The following KIAA1217 variants were observed in gnomAD, a reference collection of about 807,000 sequenced individuals.
KIAA1217 encodes the protein KIAA1217, also known as sickle tail protein homolog.
In KIAA1217, 88 loss-of-function variants were observed where a neutral mutation model predicts 163.9. The observed-to-expected ratio is 0.54, with a 90% CI of 0.45 to 0.64. The LOEUF (loss-of-function observed/expected upper bound fraction) is 0.64. KIAA1217 is among the 30% of genes least tolerant of loss of function. The probability of loss-of-function intolerance (pLI) is 0.00; values close to 1 mark genes in which losing one functional copy is unlikely to be tolerated. For synonymous variants in KIAA1217, 903 were observed against 923.1 expected, an observed-to-expected ratio of 0.98 and a Z score of 0.39; for missense variants, 2,372 against 2,475.0, an observed-to-expected ratio of 0.96 and a Z score of 0.88.
At chr10:23,960,567 T>A (rs1844781036) in intron 1 of KIAA1217, among the ~76,000 whole-genome samples, 2 of 152,208 alleles carry the variant, frequency 1.3e-5, no homozygotes, top group Admixed American at 1.3e-4. Context: ...ACGTTTTCAT[T>A]CAACAGAGTT....
At chr10:23,832,529 T>G (rs1838259196) in intron 1 of KIAA1217, among the ~76,000 whole-genome samples, 1 of 152,154 alleles carries the variant, frequency 6.6e-6, no homozygotes, top group African/African-American at 2.4e-5. Flanking sequence ...GGAGTAGGGC[T>G]GAAAGTTCCA....
chr10:24,347,589 T>G (rs1591186715), intron 2 of KIAA1217, among the ~76,000 whole-genome samples: 1 of 152,348 alleles, frequency 6.6e-6, no homozygotes, highest in East Asian at 1.9e-4. Context: ...AAGTTTTATT[T>G]TTTTTAATAT....
intron 2 of KIAA1217, among the ~76,000 whole-genome samples, chr10:24,007,986 G>A (rs1171385743): frequency 2.0e-5 from 3 of 152,088 alleles, no homozygotes; most frequent in Non-Finnish European, 1.5e-5. Context: ...CCCAACTTTA[G>A]CATATTCATT....
At chr10:24,177,576 C>A (rs976417841) in intron 2 of KIAA1217, among the ~76,000 whole-genome samples, 2 of 151,488 alleles carry the variant, frequency 1.3e-5, no homozygotes, top group Non-Finnish European at 2.9e-5. Context: ...CATTTTTTGA[C>A]CTGTGATATA....
Position 24,524,751 on chromosome 10 carries a change from C to T in KIAA1217, c.2885C>T (p.Ala962Val). Residue 962 changes from alanine (A) to valine (V), a missense_variant, in exon 13 of 21, where the codon GCA (alanine) becomes GTA (valine). Coordinates refer to ENST00000376454, the MANE Select transcript of KIAA1217 (RefSeq NM_019590.5). ...EIHSVSAKNR[A>V]VSIEKAEKKW... ...CACAGTGTGAGTGCCAAGAACAGGG[C>T]AGTGTCTATCGAGGTAGAGTCCTAT... The T allele has an allele frequency of 1.3e-6, 2 of 1,594,044 alleles. No homozygotes were observed. Among genetic ancestry groups the T allele is most frequent in the Non-Finnish European group, 1.7e-6 (2 of 1,165,848 alleles).
chr10:24,079,738 G>C (rs2061481365), intron 2 of KIAA1217, among the ~76,000 whole-genome samples: 1 of 152,130 alleles, frequency 6.6e-6, no homozygotes, highest in Non-Finnish European at 1.5e-5. Flanking sequence ...TGGGATGATG[G>C]CAAAGCACAC....
intron 1 of KIAA1217, among the ~76,000 whole-genome samples, chr10:23,826,860 G>T (rs1564455537): frequency 6.6e-6 from 1 of 152,066 alleles, no homozygotes; most frequent in Admixed American, 6.5e-5. Context: ...TGTTTCTCTG[G>T]TCCAACTCAC....
At chr10:24,411,470 C>A (rs899415638) in intron 3 of KIAA1217, among the ~76,000 whole-genome samples, 1 of 152,116 alleles carries the variant, frequency 6.6e-6, no homozygotes, top group African/African-American at 2.4e-5. Flanking sequence ...ATTCCCAAGA[C>A]CCTTGGTTGA....
intron 10 of KIAA1217, 57 bp downstream of exon 10, chr10:24,513,491 T>A: frequency 6.4e-7 from 1 of 1,554,054 alleles, no homozygotes; most frequent in Non-Finnish European, 8.8e-7. Context: ...AAATTATCAT[T>A]ACTAAGAAGG....
intron 1 of KIAA1217, among the ~76,000 whole-genome samples, chr10:23,890,784 A>C (rs1356890361): frequency 6.6e-6 from 1 of 151,996 alleles, no homozygotes; most frequent in African/African-American, 2.4e-5. Flanking sequence ...TCTTTTTCAG[A>C]TCTTCTGTAT....
chr10:24,492,242 C>T lies in KIAA1217; in HGVS notation c.1680-2258C>T, dbSNP rs150810272. On this transcript the variant is annotated intron_variant, in intron 6 of 20. Transcript: ENST00000376454. ...TCTGAGATGCTACTGTGACTTGGGTCAATAAGCTTGACATTGCTGATGGAT... is the reference window on the plus strand; with the variant it reads ...TCTGAGATGCTACTGTGACTTGGGTTAATAAGCTTGACATTGCTGATGGAT... 1.4e-3 allele frequency among the ~76,000 whole-genome samples: 212 copies of T among 152,314 alleles called. 1 individual carries two copies. Among genetic ancestry groups the T allele is most frequent in the African/African-American group, 4.8e-3 (200 of 41,570 alleles).
intron 2 of KIAA1217, among the ~76,000 whole-genome samples, chr10:24,316,968 G>T (rs578087384): frequency 6.6e-6 from 1 of 152,240 alleles, no homozygotes; most frequent in South Asian, 2.1e-4. Context: ...TTTAGTAATA[G>T]TGTTGGAAAA....
chr10:24,372,412 G>C (rs1445853227), intron 2 of KIAA1217, among the ~76,000 whole-genome samples: 2 of 152,110 alleles, frequency 1.3e-5, no homozygotes, highest in Non-Finnish European at 2.9e-5. Flanking sequence ...TTTTTTGAGA[G>C]TCCTAAAGGT....
intron 2 of KIAA1217, among the ~76,000 whole-genome samples, chr10:24,363,872 C>T (rs1330257929): frequency 6.6e-6 from 1 of 151,510 alleles, no homozygotes; most frequent in African/African-American, 2.4e-5. Flanking sequence ...GCACCAGGCC[C>T]ATTCTTTTAA....
At chr10:24,494,104 C>T (rs1043835720) in intron 6 of KIAA1217, among the ~76,000 whole-genome samples, 7 of 152,136 alleles carry the variant, frequency 4.6e-5, no homozygotes, top group Non-Finnish European at 1.0e-4. Context: ...CTGAGGTGTA[C>T]GGCATAGAAA....
intron 1 of KIAA1217, among the ~76,000 whole-genome samples, chr10:23,936,560 C>A (rs1843535833): frequency 6.6e-6 from 1 of 152,130 alleles, no homozygotes; most frequent in Admixed American, 6.5e-5. Flanking sequence ...AGGATACACA[C>A]AGAGAAGAAG....
At chr10:23,800,274 C>T (rs1378966185) in intron 1 of KIAA1217, among the ~76,000 whole-genome samples, 1 of 152,064 alleles carries the variant, frequency 6.6e-6, no homozygotes, top group Non-Finnish European at 1.5e-5. Flanking sequence ...TGAGGGGGTT[C>T]ATAAAACCAT....
At chr10:24,145,465 A>G (rs2064265863) in intron 2 of KIAA1217, among the ~76,000 whole-genome samples, 1 of 152,270 alleles carries the variant, frequency 6.6e-6, no homozygotes, top group Non-Finnish European at 1.5e-5. Context: ...CATATAAATC[A>G]AACTTCAAGA....
At chr10:24,120,719 A>G (rs546625083) in intron 2 of KIAA1217, among the ~76,000 whole-genome samples, 70 of 152,304 alleles carry the variant, frequency 4.6e-4, no homozygotes, top group African/African-American at 1.3e-3. Context: ...TTTTCCCCCA[A>G]TGGAAATTGT....
Sources: gnomAD v4.1 joint callset for allele counts (sites outside exome capture counted in the v4.1 genomes callset) on GRCh38, gnomAD v4.1.1 for gene constraint, MANE v1.5 for transcripts, NCBI Gene and HGNC (gene_info 2026-07-23, HGNC 2026-07-21) for gene names.